CHD9: variants seen among roughly 807,000 people sequenced by gnomAD.
CHD9 encodes the protein ATP-dependent chromatin remodeler CHD9.
A neutral mutation model predicts 316.1 loss-of-function variants in CHD9; 77 were observed. That is an observed-to-expected ratio of 0.24 (90% CI 0.20 to 0.29). The LOEUF (loss-of-function observed/expected upper bound fraction) is 0.29, where lower values mean the gene tolerates loss of function less well. Ranked by LOEUF, CHD9 falls within the 10% of genes least tolerant of loss-of-function variation. The pLI is 1.00. For synonymous variants in CHD9, 1,129 were observed against 1,158.3 expected (o/e 0.97, Z 0.51); for missense variants, 2,763 against 3,438.1 (o/e 0.80, Z 4.91).
chr16:53,304,491 G>C lies in CHD9; in HGVS notation c.6485G>C (p.Gly2162Ala). The change falls in exon 31 of 39, where the codon GGC becomes GCC. Residue 2162 changes from glycine (G) to alanine (A), a missense_variant. This residue lies in a region of CHD9 where 663 missense variants were observed against 751.2 expected (regional missense o/e 0.88). Coordinates refer to ENST00000447540, the MANE Select transcript of CHD9 (RefSeq NM_001308319.2). ...SSSSCSHSRS[G>A]SSSSSSSSCS... is the part of the protein sequence containing the mutation. ...TCTTCTTGCTCCCACTCTCGATCAG[G>C]CTCTAGTTCTTCTTCATCTTCATCT... is the stretch of plus-strand genomic sequence containing the variant. The C allele has an allele frequency of 6.4e-7, 1 of 1,554,572 alleles. No individual in the cohort carries two copies. The highest frequency in any genetic ancestry group is 8.7e-7 in the Non-Finnish European group (1 of 1,148,722).
chr16:53,266,558 C>T (rs1319739436), intron 20 of CHD9, among the ~76,000 whole-genome samples: 1 of 152,118 alleles, frequency 6.6e-6, no homozygotes, highest in Non-Finnish European at 1.5e-5. Context: ...GACTGTGATA[C>T]CTCTTATATC....
At chr16:53,155,621 C>T (rs2041465114) in intron 1 of CHD9, among the ~76,000 whole-genome samples, 1 of 151,970 alleles carries the variant, frequency 6.6e-6, no homozygotes, top group Non-Finnish European at 1.5e-5. Context: ...TTATCCATTA[C>T]CATAACCAAT....
In CHD9 at chr16:53,156,477, G is replaced by A; in HGVS notation, c.388G>A (p.Ala130Thr). The change falls in exon 2 of 39, where the codon GCT (alanine) becomes ACT (threonine). Residue 130 changes from alanine (A) to threonine (T), a missense_variant. Transcript: ENST00000447540. ...DGSPMWGHQT[A>T]TTISNQNGSP... ...CAGTCCAATGTGGGGCCATCAGACA[G>A]CTACTACCATTTCAAATCAAAATGG... is the stretch of plus-strand genomic sequence containing the variant. 1 of 1,613,946 alleles carries A rather than the reference G, an allele frequency of 6.2e-7. No individual in the cohort carries two copies. The highest frequency in any genetic ancestry group is 8.5e-7 in the Non-Finnish European group (1 of 1,179,872).
At chr16:53,084,473 G>A (rs758538027) in intron 1 of CHD9, among the ~76,000 whole-genome samples, 3 of 152,174 alleles carry the variant, frequency 2.0e-5, no homozygotes, top group East Asian at 1.9e-4. Context: ...GGCAGGGTGC[G>A]GTGGCTCATG....
chr16:53,057,971 A>C (rs1040252445), intron 1 of CHD9, among the ~76,000 whole-genome samples: 1 of 152,180 alleles, frequency 6.6e-6, no homozygotes, highest in Non-Finnish European at 1.5e-5. Context: ...GTTCCTAAGT[A>C]TGAGAAGGCT....
chr16:53,266,367 C>T (rs998311891), intron 20 of CHD9, among the ~76,000 whole-genome samples: 1 of 152,180 alleles, frequency 6.6e-6, no homozygotes, highest in Admixed American at 6.6e-5. Flanking sequence ...TCCCTGCCTT[C>T]TCTCCTACCA....
At position 53,215,153 on chromosome 16, in the gene CHD9, C is replaced by T. The variant is rs1366845990; in HGVS notation, c.1784+5340C>T. Among the ~76,000 whole-genome samples the T allele has an allele frequency of 5.3e-5, 8 of 152,146 alleles. No homozygotes were observed. In the South Asian group the frequency reaches 1.2e-3, roughly 24 times the overall value. ...CGATGGTCTCGATCTCCTGACCTCG[C>T]GATCCGCCTGCCTCGGCCTCCCAAA... On this transcript the variant is annotated intron_variant, in intron 3 of 38. Coordinates refer to ENST00000447540, the MANE Select transcript of CHD9 (RefSeq NM_001308319.2).
chr16:53,098,104 G>A (rs900659531), intron 1 of CHD9, among the ~76,000 whole-genome samples: 2 of 151,582 alleles, frequency 1.3e-5, no homozygotes, highest in Non-Finnish European at 2.9e-5. Context: ...TGGGGGACAA[G>A]AGCGAGACTT....
At chr16:53,057,797 G>A (rs925213093) in intron 1 of CHD9, among the ~76,000 whole-genome samples, 1 of 152,196 alleles carries the variant, frequency 6.6e-6, no homozygotes, top group Admixed American at 6.5e-5. Flanking sequence ...CCAGCCAAGG[G>A]CAAACAGGAG....
intron 38 of CHD9, among the ~76,000 whole-genome samples, chr16:53,321,855 A>G (rs1220563364): frequency 6.6e-6 from 1 of 152,158 alleles, no homozygotes; most frequent in Non-Finnish European, 1.5e-5. Flanking sequence ...CTAAGATACC[A>G]TTTGAATGAT....
In CHD9 at chr16:53,249,138, CAG is replaced by C. The variant is rs1262581705; in HGVS notation, c.3666-730_3666-729del. The stretch of plus-strand genomic sequence containing the variant: ...GTTGTAATAAATTTCATGGAAAATT[CAG>C]AGTTTCTTTATTGTCATAACAAACA... On this transcript the variant is annotated intron_variant, in intron 16 of 38. Coordinates refer to ENST00000447540, the MANE Select transcript of CHD9 (RefSeq NM_001308319.2). Among the ~76,000 whole-genome samples, 5 of 151,990 alleles carry C rather than the reference CAG, an allele frequency of 3.3e-5. No homozygotes were observed. In the South Asian group the frequency reaches 6.2e-4, roughly 19 times the overall value.
At chr16:53,091,005 C>A (rs964944521) in intron 1 of CHD9, among the ~76,000 whole-genome samples, 16 of 151,756 alleles carry the variant, frequency 1.1e-4, no homozygotes, top group African/African-American at 3.6e-4. Flanking sequence ...CAGCTCACCC[C>A]CCCCCGACTG....
chr16:53,218,108 C>T (rs59490761), intron 3 of CHD9, among the ~76,000 whole-genome samples: 47,831 of 151,766 alleles, frequency 0.32, 7,717 homozygotes, highest in Middle Eastern at 0.39. Context: ...AGAAAAGGCA[C>T]GTGTAACATT....
chr16:53,072,206 C>A, intron 1 of CHD9, among the ~76,000 whole-genome samples: 1 of 152,086 alleles, frequency 6.6e-6, no homozygotes, highest in Non-Finnish European at 1.5e-5. Flanking sequence ...ACTTCCCGGC[C>A]ACTTGTTCCC....
intron 8 of CHD9, among the ~76,000 whole-genome samples, chr16:53,230,479 T>C (rs564295001): frequency 3.3e-5 from 5 of 152,246 alleles, no homozygotes; most frequent in Non-Finnish European, 7.4e-5. Context: ...AAGATGATTC[T>C]AATGACCTGT....
At chr16:53,109,390 C>T (rs1398901158) in intron 1 of CHD9, among the ~76,000 whole-genome samples, 2 of 152,198 alleles carry the variant, frequency 1.3e-5, no homozygotes, top group African/African-American at 2.4e-5. Flanking sequence ...ATTCAGGAAA[C>T]ACTGAAAGTT....
intron 24 of CHD9, among the ~76,000 whole-genome samples, chr16:53,274,581 G>A (rs551078935): frequency 3.8e-4 from 57 of 151,978 alleles, no homozygotes; most frequent in Non-Finnish European, 7.1e-4. Flanking sequence ...TCAGCCTCCC[G>A]AGTAGCTGGG....
chr16:53,284,796 A>C (rs1317421251), intron 24 of CHD9, among the ~76,000 whole-genome samples: 1 of 152,202 alleles, frequency 6.6e-6, no homozygotes. Flanking sequence ...ACAGGGTCTC[A>C]TTCCCGCGGC....
At chr16:53,203,280 T>A (rs989568784) in intron 2 of CHD9, among the ~76,000 whole-genome samples, 4 of 152,206 alleles carry the variant, frequency 2.6e-5, no homozygotes, top group Non-Finnish European at 5.9e-5. Flanking sequence ...CAAATTACTT[T>A]AAGATACTTT....
Sources: allele counts gnomAD v4.1 joint callset (sites outside exome capture counted in the v4.1 genomes callset), GRCh38; gene constraint gnomAD v4.1.1; regional missense constraint gnomAD v4.1.1; transcripts MANE v1.5; gene names NCBI Gene and HGNC (gene_info 2026-07-23, HGNC 2026-07-21).